DCN: variants seen among roughly 807,000 people sequenced by gnomAD.
DCN encodes decorin.
In DCN, 17 loss-of-function variants were observed where a neutral mutation model predicts 36.5. That is an observed-to-expected ratio of 0.47 (90% CI 0.32 to 0.70). The LOEUF is 0.70. Ranked by LOEUF, DCN falls within the 30% of genes least tolerant of loss-of-function variation. The probability of loss-of-function intolerance (pLI) is 0.04; values close to 1 mark genes in which losing one functional copy is unlikely to be tolerated. For missense variants in DCN, 389 were observed against 430.1 expected (o/e 0.90, Z 0.84); for synonymous variants, 163 against 161.4 (o/e 1.01, Z -0.07).
chr12:91,143,293 A>G lies in DCN; in HGVS notation c.*2765T>C, dbSNP rs1378313221. ...AAGTTTCTGTTGTTTTAAGCCACCC[A>G]GTTTTTGGTACTTTATTATAGCAGC... On this transcript the variant is annotated 3_prime_UTR_variant, in exon 8 of 8. Transcript: ENST00000052754. The G allele has an allele frequency of 1.3e-5, 2 of 152,184 alleles. No individual in the cohort carries two copies. Among genetic ancestry groups the G allele is most frequent in the African/African-American group, 4.8e-5 (2 of 41,450 alleles). The allele number at this position is 152,184 out of a possible 1,614,324, so 9.4% of individuals were successfully genotyped here. A position where few individuals can be genotyped will look rare whatever the true frequency, so the allele number is the denominator to read the frequency against.
chr12:91,166,474 C>T (rs1592697674), intron 2 of DCN, among the ~76,000 whole-genome samples: 1 of 152,146 alleles, frequency 6.6e-6, no homozygotes, highest in East Asian at 1.9e-4. Flanking sequence ...TTGGTGTTCT[C>T]CAACCCAGAA....
rs1472864560 is a variant in DCN at position 91,167,287 on chromosome 12, AG to A, written c.212-2571del. ...TGAAGAATTTACTCTAGTTATTATG[AG>A]TTCTCTGAATGTCACAAAGGGAAGG... is the stretch of plus-strand genomic sequence containing the variant. On this transcript the variant is annotated intron_variant, in intron 2 of 7. Coordinates refer to ENST00000052754, the MANE Select transcript of DCN (RefSeq NM_001920.5). Among the ~76,000 whole-genome samples the A allele has an allele frequency of 3.9e-5, 6 of 152,258 alleles. No homozygotes were observed. The East Asian group carries it at 1.2e-3, about 29-fold the overall frequency.
intron 2 of DCN, among the ~76,000 whole-genome samples, chr12:91,168,161 T>C (rs1882708788): frequency 6.6e-6 from 1 of 152,210 alleles, no homozygotes; most frequent in Non-Finnish European, 1.5e-5. Flanking sequence ...GTGATCATTG[T>C]GCATATTTTC....
At chr12:91,172,742 A>G in intron 2 of DCN, 1 of 699,698 alleles carries the variant, frequency 1.4e-6, no homozygotes, top group East Asian at 2.7e-5. Flanking sequence ...TAATTCAAGA[A>G]CCAAGCCATG....
intron 7 of DCN, among the ~76,000 whole-genome samples, chr12:91,150,380 A>G (rs1881327166): frequency 1.3e-5 from 2 of 152,250 alleles, no homozygotes. Context: ...CATATCATAT[A>G]CTAGGATTAT....
intron 7 of DCN, 37 bp downstream of exon 7, chr12:91,151,613 CTTTT>C: frequency 6.2e-7 from 1 of 1,613,088 alleles, no homozygotes; most frequent in Admixed American, 1.7e-5. Context: ...GGGGGTCTTG[CTTTT>C]TGGATATTCC....
intron 3 of DCN, among the ~76,000 whole-genome samples, chr12:91,162,913 T>C (rs911374414): frequency 3.9e-5 from 6 of 152,184 alleles, no homozygotes; most frequent in African/African-American, 1.4e-4. Context: ...CCACGGTGCC[T>C]ATGAGACCTA....
At chr12:91,176,623 T>G (rs1282687964) in intron 2 of DCN, 1 of 152,140 alleles carries the variant, frequency 6.6e-6, no homozygotes, top group Non-Finnish European at 1.5e-5. Context: ...TATTTTTTCA[T>G]GGAAGCAAAG....
chr12:91,164,563 T>G (rs1480221099), intron 3 of DCN, 42 bp downstream of exon 3: 87 of 1,097,414 alleles, frequency 7.9e-5, no homozygotes, highest in Non-Finnish European at 1.1e-4. Flanking sequence ...AAAAATACCT[T>G]GAGTCTTATC....
At chr12:91,153,260 A>G in intron 5 of DCN, 71 bp from the exon 6 acceptor site, 1 of 870,056 alleles carries the variant, frequency 1.1e-6, no homozygotes, top group South Asian at 1.3e-5. Flanking sequence ...ACAAACTTAA[A>G]GAAGACATAT....
Position 91,141,159 on chromosome 12 carries a change from A to G in DCN, c.*4899T>C, listed in dbSNP as rs1880743214. 6.6e-6 allele frequency: 1 copy of G among 152,144 alleles called. No homozygotes were observed. The highest frequency in any genetic ancestry group is 2.1e-4 in the South Asian group (1 of 4,820). 9.4% of individuals were successfully genotyped at this position (152,144 alleles called of 1,614,324 possible). On this transcript the variant is annotated 3_prime_UTR_variant, in exon 8 of 8. Transcript: ENST00000052754. ...GTCACTCCTCTACCGAGACCCCTCT[A>G]ATAGCTCTCTGTCTTACTCAGAGTA...
intron 3 of DCN, among the ~76,000 whole-genome samples, chr12:91,161,210 A>T (rs977191471): frequency 6.6e-6 from 1 of 152,232 alleles, no homozygotes; most frequent in African/African-American, 2.4e-5. Flanking sequence ...GGCTGCCTAA[A>T]AACAGAAGGA....
rs144045873 is a variant in DCN at position 91,149,987 on chromosome 12, A to G, written c.885+1667T>C. 2.2e-3 allele frequency among the ~76,000 whole-genome samples: 333 copies of G among 152,300 alleles called. 1 individual carries two copies. The highest frequency in any genetic ancestry group is 7.7e-3 in the African/African-American group (321 of 41,566). ...ATTATTAAGATAGTAATTCTTCCCA[A>G]TGATCTGTAGATTCAAAACAATACC... On this transcript the variant is annotated intron_variant, in intron 7 of 7. Transcript: ENST00000052754.
intron 1 of DCN, chr12:91,180,074 G>T (rs1883505435): frequency 6.6e-6 from 1 of 152,090 alleles, no homozygotes. Flanking sequence ...TAGCAGCAAA[G>T]TCATTTGGGA....
chr12:91,168,972 T>C (rs1036908386), intron 2 of DCN, among the ~76,000 whole-genome samples: 1 of 152,086 alleles, frequency 6.6e-6, no homozygotes, highest in African/African-American at 2.4e-5. Context: ...TAGAAGCTTC[T>C]AAATGAAGAA....
At chr12:91,163,629 T>C (rs1882304796) in intron 3 of DCN, among the ~76,000 whole-genome samples, 1 of 152,076 alleles carries the variant, frequency 6.6e-6, no homozygotes, top group Non-Finnish European at 1.5e-5. Context: ...TCCTGACTGA[T>C]AGACTGAACA....
intron 4 of DCN, among the ~76,000 whole-genome samples, chr12:91,157,731 C>T (rs905419336): frequency 2.6e-5 from 4 of 152,014 alleles, no homozygotes; most frequent in African/African-American, 9.7e-5. Context: ...CGGGTTCACG[C>T]CATTCTCCTG....
intron 5 of DCN, among the ~76,000 whole-genome samples, chr12:91,154,325 T>C (rs1476332802): frequency 6.6e-6 from 1 of 152,158 alleles, no homozygotes; most frequent in African/African-American, 2.4e-5. Context: ...CTTGGCACTT[T>C]TCCTACTTCA....
At chr12:91,166,873 T>C (rs1195129517) in intron 2 of DCN, among the ~76,000 whole-genome samples, 3 of 152,216 alleles carry the variant, frequency 2.0e-5, no homozygotes, top group Non-Finnish European at 4.4e-5. Context: ...CAACCTGCTC[T>C]GAATTAGTAA....
Sources: gnomAD v4.1 joint callset for allele counts (sites outside exome capture counted in the v4.1 genomes callset) on GRCh38, gnomAD v4.1.1 for gene constraint, MANE v1.5 for transcripts, NCBI Gene and HGNC (gene_info 2026-07-23, HGNC 2026-07-21) for gene names.